The following VSIR variants were observed in gnomAD, a reference collection of about 807,000 sequenced individuals.
The protein encoded by VSIR is V-type immunoglobulin domain-containing suppressor of T-cell activation.
Under a neutral mutation model 31.0 loss-of-function variants are expected in VSIR, and 10 were observed. The ratio of observed to expected loss-of-function variants is 0.32; its 90% CI spans 0.20 to 0.55. The LOEUF (loss-of-function observed/expected upper bound fraction) is 0.55, where lower values mean the gene tolerates loss of function less well. VSIR is among the 20% of genes least tolerant of loss of function. The pLI is 0.93. For missense variants in VSIR, 356 were observed against 416.2 expected (o/e 0.86, Z 1.26); for synonymous variants, 179 against 180.1 (o/e 0.99, Z 0.05).
In VSIR at chr10:71,755,396, G is replaced by T; in HGVS notation, c.639C>A (p.Leu213=). 6.2e-7 allele frequency: 1 copy of T among 1,613,460 alleles called. No individual in the cohort carries two copies. The highest frequency in any genetic ancestry group is 8.5e-7 in the Non-Finnish European group (1 of 1,179,860). ...VGILCLPLIL[L]LVYKQRQAAS... is the part of the protein sequence containing the mutation. ...CTGCCTGCCTTTGCTTGTAGACCAG[G>T]AGCAGGATGAGGGGGAGGCAGAGGA... Residue 213 remains leucine, a synonymous_variant, in exon 4 of 7, where the codon CTC becomes CTA. Transcript: ENST00000394957.
chr10:71,752,961 T>A lies in VSIR; in HGVS notation c.704+14A>T. 3.1e-6 allele frequency: 5 copies of A among 1,612,302 alleles called. No individual in the cohort carries two copies. Among genetic ancestry groups the A allele is most frequent in the Non-Finnish European group, 4.2e-6 (5 of 1,179,078 alleles). ...CCCAGGAAGTTTTCTCAAGAAGGTC[T>A]CCATGGGCCTTACCTGTCCATCCGC... On this transcript the variant is annotated intron_variant, in intron 5 of 6. Coordinates refer to ENST00000394957, the MANE Select transcript of VSIR (RefSeq NM_022153.2).
rs867434811 is a variant in VSIR at position 71,766,453 on chromosome 10, A to G, written c.83-4427T>C. Among the ~76,000 whole-genome samples, 3 of 151,628 alleles carry G rather than the reference A, an allele frequency of 2.0e-5. 1 individual carries two copies. The South Asian group carries it at 6.3e-4, about 32-fold the overall frequency. ...GGAAAGCCTGAGTCTCAGGAGTAAAACTCTCGCTTGGATTGCAACGTCCTG... is the reference window on the plus strand; with the variant it reads ...GGAAAGCCTGAGTCTCAGGAGTAAAGCTCTCGCTTGGATTGCAACGTCCTG... On this transcript the variant is annotated intron_variant, in intron 1 of 6. Transcript: ENST00000394957.
intron 2 of VSIR, 137 bp downstream of exon 2, chr10:71,761,461 T>C: frequency 9.4e-7 from 1 of 1,064,708 alleles, no homozygotes; most frequent in East Asian, 2.6e-5. Context: ...CCACCCCATC[T>C]CACCCACACA....
chr10:71,762,097 A>G (rs1371297089), intron 1 of VSIR, 71 bp from the exon 2 acceptor site: 2 of 1,480,686 alleles, frequency 1.4e-6, no homozygotes, highest in African/African-American at 2.8e-5. Flanking sequence ...AGAGCGGGGA[A>G]GAACCTTAGC....
rs1839930367 is a variant in VSIR at position 71,749,211 on chromosome 10, G to GA, written c.*2041_*2042insT. The GA allele has an allele frequency of 1.3e-5, 2 of 152,310 alleles. No homozygotes were observed. Among genetic ancestry groups the GA allele is most frequent in the Admixed American group, 1.3e-4 (2 of 15,290 alleles). The allele number at this position is 152,310 out of a possible 1,614,324, so 9.4% of individuals were successfully genotyped here. A position where few individuals can be genotyped will look rare whatever the true frequency, so the allele number is the denominator to read the frequency against. ...GAACCGGAATCTGGGCTGTGGGCTT[G>GA]TCCTTCGACTCCAGGAACAGCAGGT... is the stretch of plus-strand genomic sequence containing the variant. On this transcript the variant is annotated 3_prime_UTR_variant, in exon 7 of 7. Transcript: ENST00000394957.
intron 1 of VSIR, among the ~76,000 whole-genome samples, chr10:71,765,996 C>T (rs1840533336): frequency 6.6e-6 from 1 of 152,130 alleles, no homozygotes; most frequent in Admixed American, 6.5e-5. Context: ...AGCAGCCTGT[C>T]GTTAGGAGGA....
rs1564779396 is a variant in VSIR at position 71,759,938 on chromosome 10, C to CACACACACATATATAT, written c.568+914_568+929dup. Among the ~76,000 whole-genome samples, 50 of 108,350 alleles carry CACACACACATATATAT rather than the reference C, an allele frequency of 4.6e-4. 1 individual carries two copies. The highest frequency in any genetic ancestry group is 1.7e-3 in the African/African-American group (48 of 28,420). The allele number at this position is 108,350 out of a possible 152,430, so 71.1% of individuals were successfully genotyped here. On this transcript the variant is annotated intron_variant, in intron 3 of 6. Transcript: ENST00000394957. Reference sequence around the variant, plus strand: ...ACATATATACACACACACATATATACACACACACATATATATACACACACA... The same window carrying CACACACACATATATAT: ...ACATATATACACACACACATATATACACACACACATATATATACACACACATATATATACACACACA...
intron 3 of VSIR, among the ~76,000 whole-genome samples, chr10:71,757,417 G>C (rs1344118639): frequency 6.6e-6 from 1 of 152,212 alleles, no homozygotes; most frequent in Non-Finnish European, 1.5e-5. Flanking sequence ...CTGGGGCAGA[G>C]GGGCGCAGAG....
Position 71,755,404 on chromosome 10 carries a change from T to C in VSIR, c.631A>G (p.Ile211Val). Reference protein sequence around the residue: ...CIVGILCLPLILLLVYKQRQA... With the variant: ...CIVGILCLPLVLLLVYKQRQA... ...CTTTGCTTGTAGACCAGGAGCAGGA[T>C]GAGGGGGAGGCAGAGGATTCCTACG... The change falls in exon 4 of 7, where the codon ATC becomes GTC. Residue 211 changes from isoleucine to valine, a missense_variant. Ile to Val is a conservative substitution (Grantham distance 29). Transcript: ENST00000394957. The C allele has an allele frequency of 1.2e-6, 2 of 1,613,250 alleles. No individual in the cohort carries two copies. The highest frequency in any genetic ancestry group is 1.7e-6 in the Non-Finnish European group (2 of 1,179,824).
chr10:71,767,963 C>T (rs1840595473), intron 1 of VSIR, among the ~76,000 whole-genome samples: 1 of 152,152 alleles, frequency 6.6e-6, no homozygotes, highest in African/African-American at 2.4e-5. Flanking sequence ...CCCGTGGATG[C>T]TTCTGTGGAT....
chr10:71,760,046 C>T lies in VSIR; in HGVS notation c.568+822G>A, dbSNP rs200088779. Among the ~76,000 whole-genome samples, 51 of 79,498 alleles carry T rather than the reference C, an allele frequency of 6.4e-4. 9 individuals carry two copies. Among genetic ancestry groups the T allele is most frequent in the African/African-American group, 1.3e-3 (32 of 24,748 alleles). 52.2% of individuals were successfully genotyped at this position (79,498 alleles called of 152,430 possible). On this transcript the variant is annotated intron_variant, in intron 3 of 6. Coordinates refer to ENST00000394957, the MANE Select transcript of VSIR (RefSeq NM_022153.2). ...ATATATACACACACACACATATATA[C>T]ACACACACATATATATACACACACA...
intron 4 of VSIR, 154 bp downstream of exon 4, chr10:71,755,205 G>A (rs367940207): frequency 9.0e-6 from 7 of 776,358 alleles, no homozygotes; most frequent in South Asian, 7.7e-5. Flanking sequence ...CGGCCATTTC[G>A]CCCAGCTCCT....
intron 1 of VSIR, among the ~76,000 whole-genome samples, chr10:71,773,135 C>T (rs553039273): frequency 1.1e-4 from 17 of 152,238 alleles, no homozygotes; most frequent in Non-Finnish European, 1.9e-4. Flanking sequence ...ACTTGGGCAG[C>T]TGTCAGAGCA....
At chr10:71,761,422 C>G (rs548256457) in intron 2 of VSIR, among the ~76,000 whole-genome samples, 176 bp downstream of exon 2, 2 of 152,294 alleles carry the variant, frequency 1.3e-5, no homozygotes, top group East Asian at 1.9e-4. Flanking sequence ...CTCCAGCTAA[C>G]TACAAACCCA....
Position 71,755,448 on chromosome 10 carries a change from A to G in VSIR, c.587T>C (p.Leu196Pro). Reference sequence around the variant, plus strand: ...TCCTACGATGCAGGCACCCGTAGCCAGGGCTGCAGCCGTGATGTCTGAAAG... The same window carrying G: ...TCCTACGATGCAGGCACCCGTAGCCGGGGCTGCAGCCGTGATGTCTGAAAG... ...QDSENITAAA[L>P]ATGACIVGIL... The change falls in exon 4 of 7, where the codon CTG (leucine) becomes CCG (proline). Residue 196 changes from leucine (L) to proline (P), a missense_variant. Transcript: ENST00000394957. The G allele has an allele frequency of 1.2e-6, 2 of 1,612,558 alleles. No individual in the cohort carries two copies. The highest frequency in any genetic ancestry group is 1.7e-6 in the Non-Finnish European group (2 of 1,179,550).
In VSIR at chr10:71,773,405, C is replaced by T; in HGVS notation, c.35G>A (p.Trp12Ter). The T allele has an allele frequency of 6.2e-7, 1 of 1,609,080 alleles. No individual in the cohort carries two copies. Among genetic ancestry groups the T allele is most frequent in the Non-Finnish European group, 8.5e-7 (1 of 1,178,180 alleles). ...AGCGAAGAGCAGGGATCCCCAGCGC[C>T]AGCTGCCGGCCTCCAGGGCCGTGGG... ...GVPTALEAGS[W>*]RWGSLLFALF... Residue 12 changes from tryptophan (W) to a stop codon, truncating the protein, a stop_gained, in exon 1 of 7, where the codon TGG becomes TAG. Coordinates refer to ENST00000394957, the MANE Select transcript of VSIR (RefSeq NM_022153.2). LOFTEE classifies it high-confidence loss of function.
In VSIR at chr10:71,751,092, G is replaced by A; in HGVS notation, c.*161C>T. On this transcript the variant is annotated 3_prime_UTR_variant, in exon 7 of 7. Coordinates refer to ENST00000394957, the MANE Select transcript of VSIR (RefSeq NM_022153.2). The surrounding 1 kb of genome is among the most constrained non-coding windows in gnomAD (Gnocchi z 4.9). ...CCAGCATCCCCATGTAGCATCCAGA[G>A]GGGTTGAGGGGCTGGGCTTCTGGGA... The A allele has an allele frequency of 1.2e-6, 1 of 827,462 alleles. No individual in the cohort carries two copies. Among genetic ancestry groups the A allele is most frequent in the Non-Finnish European group, 1.9e-6 (1 of 533,742 alleles). The allele number at this position is 827,462 out of a possible 1,614,324, so 51.3% of individuals were successfully genotyped here.
rs577967137 is a variant in VSIR, at chr10:71,753,174, G to A, written c.677-172C>T. ...GGGTGCTGTCCAGCAAGCGATCTGC[G>A]TGTCTGTCCAGCAGATGGGGCCTCC... On this transcript the variant is annotated intron_variant, in intron 4 of 6. Coordinates refer to ENST00000394957, the MANE Select transcript of VSIR (RefSeq NM_022153.2). Among the ~76,000 whole-genome samples, 25 of 152,268 alleles carry A rather than the reference G, an allele frequency of 1.6e-4. No homozygotes were observed. In the South Asian group the frequency reaches 3.9e-3, roughly 24 times the overall value.
At position 71,773,477 on chromosome 10, in the gene VSIR, G is replaced by A. The variant is rs538222357; in HGVS notation, c.-38C>T. ...CGCGCAGAGGAACTTCTGGTGCCGG[G>A]GAGCGGGCGGGACGCGGCCGGCGCG... On this transcript the variant is annotated 5_prime_UTR_variant, in exon 1 of 7. Coordinates refer to ENST00000394957, the MANE Select transcript of VSIR (RefSeq NM_022153.2). The A allele has an allele frequency of 1.4e-5, 22 of 1,555,406 alleles. No homozygotes were observed. Among genetic ancestry groups the A allele is most frequent in the African/African-American group, 5.4e-5 (4 of 73,654 alleles).
Sources: allele counts gnomAD v4.1 joint callset (sites outside exome capture counted in the v4.1 genomes callset), GRCh38; gene constraint gnomAD v4.1.1; non-coding constraint Gnocchi (gnomAD v3.1); transcripts MANE v1.5; gene names NCBI Gene and HGNC (gene_info 2026-07-23, HGNC 2026-07-21).